The following MAGI2 variants were observed in gnomAD, a reference collection of about 807,000 sequenced individuals.
MAGI2 encodes the protein membrane associated guanylate kinase, WW and PDZ domain containing 2.
A neutral mutation model predicts 133.3 loss-of-function variants in MAGI2; 35 were observed. The ratio of observed to expected loss-of-function variants is 0.26; its 90% CI spans 0.20 to 0.35. MAGI2 has a LOEUF of 0.35. MAGI2 is among the 10% of genes least tolerant of loss of function. The probability of loss-of-function intolerance (pLI) is 1.00; values close to 1 mark genes in which losing one functional copy is unlikely to be tolerated. For missense variants in MAGI2, 1,636 were observed against 1,863.4 expected (o/e 0.88, Z 2.25); for synonymous variants, 729 against 710.6 (o/e 1.03, Z -0.41).
At chr7:78,970,527 T>C (rs932158610) in intron 2 of MAGI2, among the ~76,000 whole-genome samples, 5 of 152,086 alleles carry the variant, frequency 3.3e-5, no homozygotes, top group African/African-American at 9.7e-5. Context: ...TTCATCAGAA[T>C]AGAGCAAACA....
chr7:78,938,343 TTGACAATGATAATG>T (rs1470714491), intron 2 of MAGI2, among the ~76,000 whole-genome samples: 1 of 152,132 alleles, frequency 6.6e-6, no homozygotes, highest in Non-Finnish European at 1.5e-5. Flanking sequence ...AGTTGTGTTC[TTGACAATGATAATG>T]TGAAAATAGT....
Position 78,209,525 on chromosome 7 carries a change from T to C in MAGI2, c.2048-8332A>G, listed in dbSNP as rs188992456. Among the ~76,000 whole-genome samples, 544 of 152,126 alleles carry C rather than the reference T, an allele frequency of 3.6e-3. 1 individual carries two copies. The highest frequency in any genetic ancestry group is 0.012 in the African/African-American group (518 of 41,528). On this transcript the variant is annotated intron_variant, in intron 10 of 21. Transcript: ENST00000354212. ...ATCTGCCCACCATGGCTTCCCAAAGTGCTGGGATTACAGGTGTGAGTCACC... is the reference window on the plus strand; with the variant it reads ...ATCTGCCCACCATGGCTTCCCAAAGCGCTGGGATTACAGGTGTGAGTCACC...
intron 2 of MAGI2, among the ~76,000 whole-genome samples, chr7:78,989,979 G>C (rs1388032992): frequency 6.6e-6 from 1 of 152,056 alleles, no homozygotes; most frequent in Non-Finnish European, 1.5e-5. Flanking sequence ...CCAGAAGGTA[G>C]CTTCTAGCTT....
Position 79,312,967 on chromosome 7 carries a change from T to C in MAGI2, c.301+140053A>G, listed in dbSNP as rs1031140388. Among the ~76,000 whole-genome samples, 4 of 152,328 alleles carry C rather than the reference T, an allele frequency of 2.6e-5. No individual in the cohort carries two copies. In the East Asian group the frequency reaches 7.7e-4, roughly 29 times the overall value. On this transcript the variant is annotated intron_variant, in intron 1 of 21. Coordinates refer to ENST00000354212, the MANE Select transcript of MAGI2 (RefSeq NM_012301.4). Reference sequence around the variant, plus strand: ...CTAGTCCTTTGTAAATGAACATTTCTAAATACCTGGGGAGAGTTTTGGTGA... The same window carrying C: ...CTAGTCCTTTGTAAATGAACATTTCCAAATACCTGGGGAGAGTTTTGGTGA...
At chr7:79,229,503 T>A (rs1360923005) in intron 1 of MAGI2, among the ~76,000 whole-genome samples, 2 of 152,178 alleles carry the variant, frequency 1.3e-5, no homozygotes, top group African/African-American at 4.8e-5. Context: ...AAAAACATAC[T>A]GTTTTTGAAT....
At chr7:79,324,397 T>C (rs1192293494) in intron 1 of MAGI2, among the ~76,000 whole-genome samples, 1 of 145,842 alleles carries the variant, frequency 6.9e-6, no homozygotes, top group Non-Finnish European at 1.5e-5. Context: ...TATGTATATA[T>C]ATATACACAC....
Position 78,484,868 on chromosome 7 carries a change from T to C in MAGI2, c.1045+4893A>G, listed in dbSNP as rs548794475. On this transcript the variant is annotated intron_variant, in intron 6 of 21. Transcript: ENST00000354212. Reference sequence around the variant, plus strand: ...GTAAGAAAATCTGGGCTCCCAAAGATTAAGTACCTTGCCCAAGAACCCACA... The same window carrying C: ...GTAAGAAAATCTGGGCTCCCAAAGACTAAGTACCTTGCCCAAGAACCCACA... 2.0e-5 allele frequency: 3 copies of C among 152,092 alleles called. No individual in the cohort carries two copies. The South Asian group carries it at 6.2e-4, about 32-fold the overall frequency. 9.4% of individuals were successfully genotyped at this position (152,092 alleles called of 1,614,324 possible).
chr7:78,108,825 C>A (rs1583940836), intron 20 of MAGI2, among the ~76,000 whole-genome samples: 1 of 151,878 alleles, frequency 6.6e-6, no homozygotes, highest in Non-Finnish European at 1.5e-5. Context: ...TAACAGAGAA[C>A]TTCCCAAACC....
chr7:79,231,777 C>A (rs1831393098), intron 1 of MAGI2, among the ~76,000 whole-genome samples: 1 of 146,642 alleles, frequency 6.8e-6, no homozygotes, highest in Admixed American at 6.9e-5. Flanking sequence ...TAATTGAATA[C>A]CCTTTATTTC....
chr7:79,005,645 T>C (rs761007235), intron 2 of MAGI2, among the ~76,000 whole-genome samples: 15 of 152,202 alleles, frequency 9.9e-5, no homozygotes, highest in Non-Finnish European at 1.6e-4. Context: ...AACAGCCTGG[T>C]TTCTTTATTC....
chr7:78,434,313 G>C (rs1289999347), intron 6 of MAGI2, among the ~76,000 whole-genome samples: 1 of 152,146 alleles, frequency 6.6e-6, no homozygotes, highest in Non-Finnish European at 1.5e-5. Context: ...AGGAAAAATA[G>C]AACCATATAC....
chr7:79,046,040 A>C (rs1231951992), intron 1 of MAGI2, among the ~76,000 whole-genome samples: 1 of 152,206 alleles, frequency 6.6e-6, no homozygotes, highest in Admixed American at 6.5e-5. Flanking sequence ...ACACATATAC[A>C]CAAGGTCTCT....
chr7:78,665,882 T>C (rs537396625), intron 2 of MAGI2, among the ~76,000 whole-genome samples: 4 of 152,286 alleles, frequency 2.6e-5, no homozygotes, highest in African/African-American at 7.2e-5. Flanking sequence ...ATCAGAGATA[T>C]AGTCTGTATC....
At chr7:78,360,838 G>A (rs1229035489) in intron 7 of MAGI2, among the ~76,000 whole-genome samples, 1 of 152,162 alleles carries the variant, frequency 6.6e-6, no homozygotes, top group Non-Finnish European at 1.5e-5. Flanking sequence ...CCATTCTCGA[G>A]TTCTCATGGT....
rs1016626513 is a variant in MAGI2 at position 79,312,154 on chromosome 7, A to T, written c.301+140866T>A. Reference sequence around the variant, plus strand: ...TTCAATGGAAATTTTTGTCAAGTAAATTCAATTCAAGCTATGATAAGTCAA... The same window carrying T: ...TTCAATGGAAATTTTTGTCAAGTAATTTCAATTCAAGCTATGATAAGTCAA... On this transcript the variant is annotated intron_variant, in intron 1 of 21. Coordinates refer to ENST00000354212, the MANE Select transcript of MAGI2 (RefSeq NM_012301.4). Among the ~76,000 whole-genome samples the T allele has an allele frequency of 2.0e-5, 3 of 152,178 alleles. 1 individual carries two copies. The highest frequency in any genetic ancestry group is 2.0e-4 in the Admixed American group (3 of 15,262).
intron 1 of MAGI2, among the ~76,000 whole-genome samples, chr7:79,181,821 A>G (rs1190671816): frequency 6.6e-6 from 1 of 152,012 alleles, no homozygotes; most frequent in Non-Finnish European, 1.5e-5. Context: ...CTGCTTAGAA[A>G]TGTCTTCTGC....
rs1386891932 is a variant in MAGI2, at chr7:79,077,596, T to TAAAAAAAAAAAAAA, written c.302-70391_302-70390insTTTTTTTTTTTTTT. Reference sequence around the variant, plus strand: ...TCTCAAAAAAAAAAAAAAAAAAAAATAAATAAATAAATAAATTCCCTTTTG... The same window carrying TAAAAAAAAAAAAAA: ...TCTCAAAAAAAAAAAAAAAAAAAAATAAAAAAAAAAAAAAAAATAAATAAATAAATTCCCTTTTG... On this transcript the variant is annotated intron_variant, in intron 1 of 21. Transcript: ENST00000354212. Among the ~76,000 whole-genome samples the TAAAAAAAAAAAAAA allele has an allele frequency of 5.0e-5, 2 of 40,126 alleles. 1 individual carries two copies. The highest frequency in any genetic ancestry group is 1.6e-4 in the African/African-American group (2 of 12,732). 26.3% of individuals were successfully genotyped at this position (40,126 alleles called of 152,430 possible). A position where few individuals can be genotyped will look rare whatever the true frequency, so the allele number is the denominator to read the frequency against.
intron 2 of MAGI2, chr7:79,000,456 T>G (rs1806746677): frequency 6.6e-6 from 1 of 152,318 alleles, no homozygotes; most frequent in East Asian, 1.9e-4. Flanking sequence ...AATAAAATTA[T>G]TTTTCCCACA....
At chr7:78,801,890 T>G (rs1236364918) in intron 2 of MAGI2, among the ~76,000 whole-genome samples, 2 of 152,198 alleles carry the variant, frequency 1.3e-5, no homozygotes, top group Non-Finnish European at 2.9e-5. Context: ...GTTCATTCAT[T>G]AAATGTTTAA....
Sources: allele counts gnomAD v4.1 joint callset (sites outside exome capture counted in the v4.1 genomes callset), GRCh38; gene constraint gnomAD v4.1.1; transcripts MANE v1.5; gene names NCBI Gene and HGNC (gene_info 2026-07-23, HGNC 2026-07-21).